TGDS: variants seen among roughly 807,000 people sequenced by gnomAD.
TGDS encodes the protein TDP-glucose 4,6-dehydratase.
TGDS carries 47 observed loss-of-function variants against 52.3 expected under a neutral mutation model. The observed-to-expected ratio is 0.90, with a 90% CI of 0.71 to 1.15. The LOEUF is 1.15. TGDS is among the 50% of genes most tolerant of loss of function. The pLI, the probability that TGDS is intolerant of heterozygous loss-of-function variation, is 0.00. For missense variants in TGDS, 375 were observed against 418.4 expected (o/e 0.90, Z 0.90); for synonymous variants, 115 against 136.9 (o/e 0.84, Z 1.12).
chr13:94,578,163 G>A lies in TGDS; in HGVS notation c.667C>T (p.His223Tyr). 6.2e-7 allele frequency: 1 copy of A among 1,613,416 alleles called. No individual in the cohort carries two copies. Among genetic ancestry groups the A allele is most frequent in the Non-Finnish European group, 8.5e-7 (1 of 1,179,682 alleles). ...TTTCTTGTTTGAAGCCCTGACCCATGAATGCAACTAAAGAGATTAAACGAA... is the reference window on the plus strand; with the variant it reads ...TTTCTTGTTTGAAGCCCTGACCCATAAATGCAACTAAAGAGATTAAACGAA... Reference protein sequence around the residue: ...LLQHNRKCCIHGSGLQTRNFL... With the variant: ...LLQHNRKCCIYGSGLQTRNFL... The change falls in exon 9 of 12, where the codon CAT becomes TAT. Residue 223 changes from histidine to tyrosine, a missense_variant. His to Tyr is a moderately conservative substitution (Grantham distance 83). Coordinates refer to ENST00000261296, the MANE Select transcript of TGDS (RefSeq NM_014305.4).
At position 94,579,001 on chromosome 13, in the gene TGDS, A is replaced by G. The variant is rs1050315630; in HGVS notation, c.616-228T>C. Among the ~76,000 whole-genome samples the G allele has an allele frequency of 3.3e-5, 5 of 152,192 alleles. No homozygotes were observed. In the East Asian group the frequency reaches 5.8e-4, roughly 18 times the overall value. ...GAAGATAAAATGATCTAAATAGGGG[A>G]AAAATGCAGAAAAAGTCTTCATCAG... On this transcript the variant is annotated intron_variant, in intron 7 of 11. Coordinates refer to ENST00000261296, the MANE Select transcript of TGDS (RefSeq NM_014305.4).
intron 2 of TGDS, 80 bp downstream of exon 2, chr13:94,593,761 A>C: frequency 9.6e-7 from 1 of 1,036,812 alleles, no homozygotes; most frequent in Middle Eastern, 2.7e-4. Context: ...AAATATCAGC[A>C]TGACAAGATT....
At chr13:94,591,769 G>T (rs1384021954) in intron 3 of TGDS, among the ~76,000 whole-genome samples, 1 of 152,178 alleles carries the variant, frequency 6.6e-6, no homozygotes, top group Non-Finnish European at 1.5e-5. Context: ...ATTATGAAAT[G>T]GTTGTTAGTA....
In TGDS at chr13:94,583,208, A is replaced by T. The variant is rs1888862081; in HGVS notation, c.342T>A (p.Phe114Leu). 2.5e-6 allele frequency: 4 copies of T among 1,613,730 alleles called. No homozygotes were observed. The highest frequency in any genetic ancestry group is 3.4e-6 in the Non-Finnish European group (4 of 1,179,944). The change falls in exon 5 of 12, where the codon TTT becomes TTA. Residue 114 changes from phenylalanine (F) to leucine (L), a missense_variant. Coordinates refer to ENST00000261296, the MANE Select transcript of TGDS (RefSeq NM_014305.4). ...VDLSFVRAFE[F>L]TYVNVYGTHV... ...GAGTGCCATAAACATTAACATAGGT[A>T]AACTCAAAGGCACGTACGAATGAAA...
chr13:94,575,949 C>A (rs1045963095), intron 11 of TGDS, among the ~76,000 whole-genome samples: 1 of 151,976 alleles, frequency 6.6e-6, no homozygotes, highest in African/African-American at 2.4e-5. Flanking sequence ...ACTGATGGAT[C>A]ATTATTTTAC....
Position 94,577,435 on chromosome 13 carries a change from A to G in TGDS, c.826-6T>C. ...TCTGAATTGGTCTCTTTGATCTGTC[A>G]AAATGGAAAAAGCTTTTGAGTCAAA... On this transcript the variant is annotated splice_polypyrimidine_tract_variant and splice_region_variant and intron_variant, in intron 9 of 11. Coordinates refer to ENST00000261296, the MANE Select transcript of TGDS (RefSeq NM_014305.4). 6.4e-7 allele frequency: 1 copy of G among 1,556,634 alleles called. No homozygotes were observed. The highest frequency in any genetic ancestry group is 2.4e-5 in the East Asian group (1 of 41,720).
chr13:94,594,807 A>C (rs1404946105), intron 1 of TGDS, among the ~76,000 whole-genome samples: 1 of 152,172 alleles, frequency 6.6e-6, no homozygotes, highest in African/African-American at 2.4e-5. Context: ...AAATGGCCAT[A>C]AACAGGAATC....
chr13:94,581,236 G>A (rs1888781138), intron 5 of TGDS, 47 bp from the exon 6 acceptor site: 1 of 1,282,452 alleles, frequency 7.8e-7, no homozygotes, highest in Non-Finnish European at 1.1e-6. Context: ...CATATTTTAA[G>A]TATAGAAATC....
At chr13:94,586,135 G>A (rs1010146202) in intron 4 of TGDS, among the ~76,000 whole-genome samples, 2 of 151,946 alleles carry the variant, frequency 1.3e-5, no homozygotes, top group Non-Finnish European at 2.9e-5. Context: ...AGAACAGGTG[G>A]GAAAAGAAAG....
chr13:94,584,694 C>G (rs754994184), intron 4 of TGDS, among the ~76,000 whole-genome samples: 5 of 152,090 alleles, frequency 3.3e-5, no homozygotes, highest in Non-Finnish European at 7.4e-5. Context: ...GATTCCAGAT[C>G]TAGGGGGAAA....
At chr13:94,578,946 A>G (rs1052606918) in intron 7 of TGDS, among the ~76,000 whole-genome samples, 173 bp from the exon 8 acceptor site, 2 of 152,188 alleles carry the variant, frequency 1.3e-5, no homozygotes, top group Non-Finnish European at 2.9e-5. Flanking sequence ...AAGAACTCCT[A>G]GTTTGCTATT....
intron 3 of TGDS, among the ~76,000 whole-genome samples, chr13:94,591,221 C>A (rs1224267152): frequency 6.6e-6 from 1 of 152,194 alleles, no homozygotes; most frequent in African/African-American, 2.4e-5. Flanking sequence ...TTTTTGCCAA[C>A]CCAAGGCCAC....
intron 8 of TGDS, among the ~76,000 whole-genome samples, chr13:94,578,377 C>T (rs976138313): frequency 2.0e-5 from 1 of 50,748 alleles, no homozygotes; most frequent in African/African-American, 9.2e-5. Context: ...GGAAAGTGAC[C>T]CCTGTGAAAT....
Position 94,583,184 on chromosome 13 carries a change from A to G in TGDS, c.366T>C (p.Thr122=), listed in dbSNP as rs1888860923. The G allele has an allele frequency of 1.2e-6, 2 of 1,614,122 alleles. No individual in the cohort carries two copies. The change falls in exon 5 of 12, where the codon ACT becomes ACC. Residue 122 remains threonine, a synonymous_variant. Transcript: ENST00000261296. ...CATGAGCAGCACTTACCAAAACGTG[A>G]GTGCCATAAACATTAACATAGGTAA... ...FEFTYVNVYG[T]HVLVSAAHEA...
Position 94,596,033 on chromosome 13 carries a change from A to G in TGDS, c.86+18T>C. ...GTTTCTGGGGAGCCACTGCTTGGCT[A>G]GCGGCGCCATTACCTACATGAAACC... On this transcript the variant is annotated intron_variant, in intron 1 of 11. Coordinates refer to ENST00000261296, the MANE Select transcript of TGDS (RefSeq NM_014305.4). 1 of 1,613,880 alleles carries G rather than the reference A, an allele frequency of 6.2e-7. No homozygotes were observed. The highest frequency in any genetic ancestry group is 8.5e-7 in the Non-Finnish European group (1 of 1,179,878).
intron 1 of TGDS, 184 bp downstream of exon 1, chr13:94,595,867 A>G: frequency 1.5e-6 from 1 of 673,390 alleles, no homozygotes. Context: ...AGTCAGTTTC[A>G]AAGGAACCAC....
rs148130420 is a variant in TGDS, at chr13:94,575,277, C to G, written c.983-425G>C. On this transcript the variant is annotated intron_variant, in intron 11 of 11. Coordinates refer to ENST00000261296, the MANE Select transcript of TGDS (RefSeq NM_014305.4). Reference sequence around the variant, plus strand: ...GAGAGGCACAATGAGTTGATGTGAACTTCCTTGCTTTTTTTTTTTTTTTTT... The same window carrying G: ...GAGAGGCACAATGAGTTGATGTGAAGTTCCTTGCTTTTTTTTTTTTTTTTT... Among the ~76,000 whole-genome samples, 325 of 141,832 alleles carry G rather than the reference C, an allele frequency of 2.3e-3. 1 individual carries two copies. Among genetic ancestry groups the G allele is most frequent in the African/African-American group, 8.5e-3 (318 of 37,268 alleles). The allele number at this position is 141,832 out of a possible 152,430, so 93.0% of individuals were successfully genotyped here. A position where few individuals can be genotyped will look rare whatever the true frequency, so the allele number is the denominator to read the frequency against.
chr13:94,592,744 C>T (rs1000597244), intron 2 of TGDS, among the ~76,000 whole-genome samples: 3 of 151,960 alleles, frequency 2.0e-5, no homozygotes, highest in Non-Finnish European at 4.4e-5. Flanking sequence ...GTGAGCCCAG[C>T]CTGTTTTTAC....
intron 7 of TGDS, 170 bp downstream of exon 7, chr13:94,579,724 A>G: frequency 2.1e-6 from 1 of 483,436 alleles, no homozygotes; most frequent in Non-Finnish European, 3.6e-6. Context: ...TTAAAACTCA[A>G]GTTTTCAAAC....
Sources: allele counts gnomAD v4.1 joint callset (sites outside exome capture counted in the v4.1 genomes callset), GRCh38; gene constraint gnomAD v4.1.1; transcripts MANE v1.5; gene names NCBI Gene and HGNC (gene_info 2026-07-23, HGNC 2026-07-21).